RALGAPA2: variants seen among roughly 807,000 people sequenced by gnomAD.
RALGAPA2 encodes the protein Ral GTPase activating protein catalytic subunit alpha 2, also known as ral GTPase-activating protein subunit alpha-2.
In RALGAPA2, 139 loss-of-function variants were observed where a neutral mutation model predicts 230.4. The ratio of observed to expected loss-of-function variants is 0.60; its 90% CI spans 0.53 to 0.69. RALGAPA2 has a LOEUF of 0.69. Among genes scored for constraint, RALGAPA2 ranks in the 30% least tolerant of loss-of-function variants. The pLI is 0.00. For synonymous variants in RALGAPA2, 847 were observed against 837.8 expected (o/e 1.01, Z -0.19); for missense variants, 2,163 against 2,276.0 (o/e 0.95, Z 1.01).
At chr20:20,497,377 G>C (rs919860924) in intron 35 of RALGAPA2, among the ~76,000 whole-genome samples, 1 of 152,122 alleles carries the variant, frequency 6.6e-6, no homozygotes, top group Non-Finnish European at 1.5e-5. Context: ...GAGGAATTGA[G>C]ACCTGCAGAA....
intron 4 of RALGAPA2, 23 bp from the exon 5 acceptor site, chr20:20,643,572 TATAA>T (rs1265145744): frequency 1.4e-5 from 20 of 1,439,558 alleles, no homozygotes; most frequent in Middle Eastern, 1.9e-4. Context: ...AATAATGAAT[TATAA>T]ATAGAGTATA....
chr20:20,612,188 C>T (rs1336499663), intron 13 of RALGAPA2, among the ~76,000 whole-genome samples: 1 of 152,210 alleles, frequency 6.6e-6, no homozygotes, highest in Non-Finnish European at 1.5e-5. Flanking sequence ...CTTTCTTACA[C>T]CTAAGTTATA....
chr20:20,504,677 G>A (rs1478405835), intron 34 of RALGAPA2, among the ~76,000 whole-genome samples: 1 of 151,856 alleles, frequency 6.6e-6, no homozygotes, highest in African/African-American at 2.4e-5. Context: ...AGTGAGCCGA[G>A]ATTGTGCGAC....
chr20:20,575,650 ACCT>A lies in RALGAPA2; in HGVS notation c.2708-2585_2708-2583del, dbSNP rs531705343. Among the ~76,000 whole-genome samples, 590 of 151,906 alleles carry A rather than the reference ACCT, an allele frequency of 3.9e-3. 3 individuals carry two copies. The highest frequency in any genetic ancestry group is 6.9e-3 in the Non-Finnish European group (470 of 67,928). On this transcript the variant is annotated intron_variant, in intron 20 of 39. Coordinates refer to ENST00000202677, the MANE Select transcript of RALGAPA2 (RefSeq NM_020343.4). ...TCTTCCTGTTTTTAGCCCCATCATC[ACCT>A]CCTACTTTTGTAGCTACCTGGTATG... is the stretch of plus-strand genomic sequence containing the variant.
intron 37 of RALGAPA2, among the ~76,000 whole-genome samples, chr20:20,417,875 G>A (rs2060197241): frequency 6.6e-6 from 1 of 152,224 alleles, no homozygotes. Context: ...GGAGAGGTTA[G>A]AGAGTTCAAT....
At chr20:20,397,113 G>C (rs2059734604) in intron 38 of RALGAPA2, among the ~76,000 whole-genome samples, 1 of 152,186 alleles carries the variant, frequency 6.6e-6, no homozygotes, top group Non-Finnish European at 1.5e-5. Context: ...AAAGATAAAA[G>C]TGTTTTCAAG....
At chr20:20,571,762 G>A in intron 22 of RALGAPA2, 86 bp downstream of exon 22, 1 of 1,458,126 alleles carries the variant, frequency 6.9e-7, no homozygotes, top group Non-Finnish European at 9.4e-7. Flanking sequence ...TTCAAAACAT[G>A]CAGTCTTGGG....
At chr20:20,536,589 G>A in intron 25 of RALGAPA2, 67 bp downstream of exon 25, 1 of 1,526,222 alleles carries the variant, frequency 6.6e-7, no homozygotes, top group South Asian at 1.2e-5. Flanking sequence ...ACTAATGGAA[G>A]AGATAATCAT....
intron 37 of RALGAPA2, among the ~76,000 whole-genome samples, chr20:20,419,251 C>A (rs1362534775): frequency 6.6e-6 from 1 of 152,102 alleles, no homozygotes; most frequent in Non-Finnish European, 1.5e-5. Context: ...ATGTAAATGA[C>A]ATGTCTTCTA....
intron 38 of RALGAPA2, among the ~76,000 whole-genome samples, chr20:20,402,018 C>A (rs996952790): frequency 6.6e-6 from 1 of 152,232 alleles, no homozygotes; most frequent in Non-Finnish European, 1.5e-5. Context: ...CTCCTCTCCC[C>A]CACTGGGTTG....
chr20:20,606,862 G>C (rs1399578338), intron 14 of RALGAPA2, among the ~76,000 whole-genome samples: 1 of 152,064 alleles, frequency 6.6e-6, no homozygotes, highest in Non-Finnish European at 1.5e-5. Context: ...CCTTACCTCT[G>C]CCAAAATATT....
Position 20,697,546 on chromosome 20 carries a change from CT to C in RALGAPA2, c.106+14828del, listed in dbSNP as rs1003927747. Among the ~76,000 whole-genome samples, 6 of 152,134 alleles carry C rather than the reference CT, an allele frequency of 3.9e-5. 1 individual carries two copies. Among genetic ancestry groups the C allele is most frequent in the Non-Finnish European group, 8.8e-5 (6 of 68,038 alleles). On this transcript the variant is annotated intron_variant, in intron 1 of 39. Coordinates refer to ENST00000202677, the MANE Select transcript of RALGAPA2 (RefSeq NM_020343.4). ...AATGTGCCAGAATGCCTTTCCTCTA[CT>C]TTCTCGGAAAGACAGGAGCCAGAAT... is the stretch of plus-strand genomic sequence containing the variant.
chr20:20,518,697 T>C (rs1466577534), intron 31 of RALGAPA2, among the ~76,000 whole-genome samples: 4 of 152,212 alleles, frequency 2.6e-5, no homozygotes, highest in Non-Finnish European at 5.9e-5. Context: ...AATTTAAATG[T>C]ATATTTTTAG....
Position 20,610,334 on chromosome 20 carries a change from A to G in RALGAPA2, c.1800+981T>C, listed in dbSNP as rs113037341. Among the ~76,000 whole-genome samples, 576 of 152,284 alleles carry G rather than the reference A, an allele frequency of 3.8e-3. 5 individuals are homozygous for G. The highest frequency in any genetic ancestry group is 0.014 in the African/African-American group (564 of 41,566). On this transcript the variant is annotated intron_variant, in intron 14 of 39. Coordinates refer to ENST00000202677, the MANE Select transcript of RALGAPA2 (RefSeq NM_020343.4). ...TAAGGTCCTCATAAATATTAGCAAC[A>G]TCACAGTAGGCTGCCATGCTCAGGA...
chr20:20,583,212 T>C lies in RALGAPA2; in HGVS notation c.2545A>G (p.Ser849Gly). ...TTGGTACAGCCCAGAGTTGTGTCAC[T>C]GTTGGTACTTTCACCTGGTACAATG... The part of the protein sequence containing the change: ...RERQKSESTN[S>G]DTTLGCTNEA... The change falls in exon 20 of 40, where the codon AGT becomes GGT. Residue 849 changes from serine to glycine, a missense_variant. Ser to Gly is a moderately conservative substitution (Grantham distance 56). Coordinates refer to ENST00000202677, the MANE Select transcript of RALGAPA2 (RefSeq NM_020343.4). 6.2e-7 allele frequency: 1 copy of C among 1,603,442 alleles called. No individual in the cohort carries two copies. The highest frequency in any genetic ancestry group is 8.5e-7 in the Non-Finnish European group (1 of 1,176,380).
At chr20:20,591,464 T>C in intron 16 of RALGAPA2, 150 bp from the exon 17 acceptor site, 4 of 964,792 alleles carry the variant, frequency 4.1e-6, no homozygotes, top group Non-Finnish European at 6.0e-6. Flanking sequence ...TGATCAAGTT[T>C]CCTACACTTG....
intron 24 of RALGAPA2, among the ~76,000 whole-genome samples, chr20:20,543,505 A>G (rs1439053907): frequency 6.6e-6 from 1 of 152,246 alleles, no homozygotes; most frequent in Non-Finnish European, 1.5e-5. Context: ...GACAGACTGG[A>G]TTAAGAAAAT....
chr20:20,496,154 T>C (rs2062198717), intron 35 of RALGAPA2, among the ~76,000 whole-genome samples: 1 of 149,558 alleles, frequency 6.7e-6, no homozygotes, highest in South Asian at 2.1e-4. Context: ...CCACTTGTTT[T>C]ATCATCTTAT....
At chr20:20,670,801 T>A (rs572279484) in intron 3 of RALGAPA2, among the ~76,000 whole-genome samples, 2 of 151,734 alleles carry the variant, frequency 1.3e-5, no homozygotes, top group South Asian at 4.2e-4. Flanking sequence ...ATATAACAAT[T>A]AGCCGGGCAC....
Sources: gnomAD v4.1 joint callset for allele counts (sites outside exome capture counted in the v4.1 genomes callset) on GRCh38, gnomAD v4.1.1 for gene constraint, MANE v1.5 for transcripts, NCBI Gene and HGNC (gene_info 2026-07-23, HGNC 2026-07-21) for gene names.